The following CBLB variants were observed in gnomAD, a reference collection of about 807,000 sequenced individuals.
CBLB encodes the protein E3 ubiquitin-protein ligase CBL-B.
A neutral mutation model predicts 104.9 loss-of-function variants in CBLB; 31 were observed. That is an observed-to-expected ratio of 0.30 (90% CI 0.22 to 0.40). The LOEUF is 0.40. CBLB is among the 10% of genes least tolerant of loss of function. The pLI is 1.00. For missense variants in CBLB, 1,062 were observed against 1,214.6 expected (o/e 0.87, Z 1.87); for synonymous variants, 440 against 422.6 (o/e 1.04, Z -0.51).
chr3:105,745,850 G>C lies in CBLB; in HGVS notation c.845+67C>G, dbSNP rs1331966168. 5 of 1,483,608 alleles carry C rather than the reference G, an allele frequency of 3.4e-6. No homozygotes were observed. In the African/African-American group the frequency reaches 4.2e-5, roughly 12 times the overall value. 91.9% of individuals were successfully genotyped at this position (1,483,608 alleles called of 1,614,324 possible). ...TCAGCGGGTATTGCTGACTTACTTAGGAACAAACCATGGAGAATTTTTCAT... is the reference window on the plus strand; with the variant it reads ...TCAGCGGGTATTGCTGACTTACTTACGAACAAACCATGGAGAATTTTTCAT... On this transcript the variant is annotated intron_variant, in intron 6 of 18. Transcript: ENST00000394030.
At chr3:105,764,471 C>T (rs1275049238) in intron 4 of CBLB, among the ~76,000 whole-genome samples, 1 of 152,152 alleles carries the variant, frequency 6.6e-6, no homozygotes, top group Non-Finnish European at 1.5e-5. Flanking sequence ...TTTTTGGGCA[C>T]TATGAACCAT....
intron 3 of CBLB, among the ~76,000 whole-genome samples, chr3:105,815,146 A>G (rs1393170382): frequency 1.3e-5 from 2 of 152,080 alleles, no homozygotes; most frequent in African/African-American, 4.8e-5. Context: ...TTCATGCAAA[A>G]TCATACTGTC....
chr3:105,835,503 A>T (rs527362545), intron 3 of CBLB, among the ~76,000 whole-genome samples: 56 of 152,342 alleles, frequency 3.7e-4, no homozygotes, highest in Admixed American at 1.3e-3. Flanking sequence ...AATTTAAAAT[A>T]GTATGATTTA....
At chr3:105,809,190 T>C (rs376147033) in intron 3 of CBLB, among the ~76,000 whole-genome samples, 3 of 152,252 alleles carry the variant, frequency 2.0e-5, no homozygotes, top group East Asian at 1.9e-4. Flanking sequence ...GGTTTTATTA[T>C]ACTCAACCTT....
intron 18 of CBLB, among the ~76,000 whole-genome samples, chr3:105,667,886 T>C (rs1053973718): frequency 1.1e-4 from 17 of 152,096 alleles, no homozygotes; most frequent in Non-Finnish European, 7.4e-5. Context: ...TAAAAACAGA[T>C]TAATTACTGC....
In CBLB at chr3:105,737,187, T is replaced by C. The variant is rs940447658; in HGVS notation, c.1055A>G (p.His352Arg). The C allele has an allele frequency of 6.4e-7, 1 of 1,568,920 alleles. No homozygotes were observed. Residue 352 changes from histidine (H) to arginine (R), a missense_variant, in exon 8 of 19, where the codon CAT (histidine) becomes CGT (arginine). By Grantham distance (29) the His-to-Arg change is conservative. Transcript: ENST00000394030. ...TGLCEPTPHDHIKVTQEQYEL... is the reference protein window; with the variant it reads ...TGLCEPTPHDRIKVTQEQYEL... ...TATCCTTACCTGTGTAACTTTTATA[T>C]GGTCATGAGGTGTAGGTTCACATAA...
chr3:105,715,900 G>A (rs555427646), intron 10 of CBLB, among the ~76,000 whole-genome samples: 5 of 152,144 alleles, frequency 3.3e-5, no homozygotes, highest in South Asian at 2.1e-4. Flanking sequence ...TTAGCCAGGC[G>A]TGGTGGCAGG....
At chr3:105,662,364 C>T (rs1308573338) in intron 18 of CBLB, among the ~76,000 whole-genome samples, 1 of 152,156 alleles carries the variant, frequency 6.6e-6, no homozygotes, top group Non-Finnish European at 1.5e-5. Flanking sequence ...TGGGAGCACA[C>T]TGAAATAACT....
intron 3 of CBLB, among the ~76,000 whole-genome samples, chr3:105,802,738 C>T (rs1288133322): frequency 6.6e-6 from 1 of 152,096 alleles, no homozygotes; most frequent in African/African-American, 2.4e-5. Context: ...GCAGCTCACA[C>T]ATTTTATAGT....
chr3:105,768,353 T>C (rs1209273348), intron 4 of CBLB, among the ~76,000 whole-genome samples: 1 of 152,072 alleles, frequency 6.6e-6, no homozygotes, highest in Non-Finnish European at 1.5e-5. Context: ...AGCAAAGACA[T>C]AGAAACCTAT....
intron 4 of CBLB, among the ~76,000 whole-genome samples, chr3:105,768,786 A>G (rs1328753135): frequency 6.6e-6 from 1 of 152,184 alleles, no homozygotes; most frequent in Non-Finnish European, 1.5e-5. Context: ...GATCACGTAG[A>G]AGGGTGTATA....
chr3:105,673,007 C>CA (rs1325425361), intron 17 of CBLB: 4 of 143,380 alleles, frequency 2.8e-5, no homozygotes, highest in Non-Finnish European at 4.6e-5. Flanking sequence ...CAAAACTAAA[C>CA]AAAAAAACAA....
intron 3 of CBLB, among the ~76,000 whole-genome samples, chr3:105,784,230 T>C (rs909088010): frequency 2.0e-5 from 3 of 152,142 alleles, no homozygotes; most frequent in African/African-American, 4.8e-5. Flanking sequence ...TGTAGACCAC[T>C]CCATTGAGAC....
chr3:105,776,488 T>C lies in CBLB; in HGVS notation c.474A>G (p.Lys158=). 6.2e-7 allele frequency: 1 copy of C among 1,613,910 alleles called. No homozygotes were observed. Among genetic ancestry groups the C allele is most frequent in the Admixed American group, 1.7e-5 (1 of 60,028 alleles). The change falls in exon 4 of 19, where the codon AAA becomes AAG. Residue 158 remains lysine, a synonymous_variant. Coordinates refer to ENST00000394030, the MANE Select transcript of CBLB (RefSeq NM_170662.5). The part of the protein sequence containing the change: ...LIFSHMLAEI[K]AIFPNGQFQG... ...GGAATTGACCATTGGGAAAGATTGCTTTGATTTCTGCCAGCATGTGACTGA... is the reference window on the plus strand; with the variant it reads ...GGAATTGACCATTGGGAAAGATTGCCTTGATTTCTGCCAGCATGTGACTGA...
In CBLB at chr3:105,693,512, G is replaced by A; in HGVS notation, c.2036C>T (p.Thr679Ile). 1.9e-6 allele frequency: 3 copies of A among 1,609,946 alleles called. No individual in the cohort carries two copies. Among genetic ancestry groups the A allele is most frequent in the Non-Finnish European group, 8.5e-7 (1 of 1,176,518 alleles). ...PRLSPPPPVT[T>I]LLPSIKCTGP... ...AACTCACTTTATGCTAGGGAGGAGG[G>A]TGGTAACTGGAGGAGGAGGAGAAAG... is the stretch of plus-strand genomic sequence containing the variant. The change falls in exon 13 of 19, where the codon ACC becomes ATC. Residue 679 changes from threonine (T) to isoleucine (I), a missense_variant. By Grantham distance (89) the Thr-to-Ile change is moderately conservative (BLOSUM62 -1). Transcript: ENST00000394030.
At chr3:105,768,896 T>G (rs994736552) in intron 4 of CBLB, among the ~76,000 whole-genome samples, 7 of 152,140 alleles carry the variant, frequency 4.6e-5, no homozygotes, top group Non-Finnish European at 1.0e-4. Context: ...GAGAGGCATC[T>G]AAGGAATAGA....
At chr3:105,712,574 G>A (rs1222404727) in intron 10 of CBLB, among the ~76,000 whole-genome samples, 1 of 152,136 alleles carries the variant, frequency 6.6e-6, no homozygotes, top group Non-Finnish European at 1.5e-5. Flanking sequence ...TTGCTATTTG[G>A]TTACTGTAGT....
intron 18 of CBLB, among the ~76,000 whole-genome samples, chr3:105,666,520 T>C (rs2152687386): frequency 1.3e-5 from 2 of 152,122 alleles, no homozygotes; most frequent in East Asian, 3.9e-4. Context: ...ACCCCATCTC[T>C]ACTAAAAATA....
At chr3:105,768,358 AC>A (rs975132128) in intron 4 of CBLB, among the ~76,000 whole-genome samples, 1 of 152,188 alleles carries the variant, frequency 6.6e-6, no homozygotes, top group Non-Finnish European at 1.5e-5. Context: ...AGACATAGAA[AC>A]CTATAATTGC....
Sources: gnomAD v4.1 joint callset for allele counts (sites outside exome capture counted in the v4.1 genomes callset) on GRCh38, gnomAD v4.1.1 for gene constraint, MANE v1.5 for transcripts, NCBI Gene and HGNC (gene_info 2026-07-23, HGNC 2026-07-21) for gene names.